DHRSX: variants seen among roughly 807,000 people sequenced by gnomAD.
DHRSX encodes dehydrogenase/reductase X-linked, also known as polyprenol dehydrogenase.
In DHRSX, 31 loss-of-function variants were observed where a neutral mutation model predicts 34.0. The observed-to-expected ratio is 0.91, with a 90% confidence interval of 0.69 to 1.23. The LOEUF is 1.23. DHRSX is among the 50% of genes most tolerant of loss of function. DHRSX has a pLI of 0.00. For synonymous variants in DHRSX, 201 were observed against 183.8 expected, an observed-to-expected ratio of 1.09 and a Z score of -0.76; for missense variants, 414 against 428.1, an observed-to-expected ratio of 0.97 and a Z score of 0.29.
At chrX:2,346,713 A>G (rs1402462103) in intron 3 of DHRSX, among the ~76,000 whole-genome samples, 11 of 151,632 alleles carry the variant, frequency 7.3e-5, no homozygotes, top group Admixed American at 5.9e-4. Flanking sequence ...TGCAGGTTAC[A>G]TAGGTATCCA....
intron 1 of DHRSX, among the ~76,000 whole-genome samples, chrX:2,491,082 T>A (rs1796885040): frequency 6.7e-6 from 1 of 150,308 alleles, no homozygotes; most frequent in African/African-American, 2.4e-5. Flanking sequence ...TTTTTTTTTT[T>A]TTTTTGAGAC....
At chrX:2,447,326 G>A (rs1346647270) in intron 1 of DHRSX, among the ~76,000 whole-genome samples, 1 of 152,090 alleles carries the variant, frequency 6.6e-6, no homozygotes, top group Non-Finnish European at 1.5e-5. Flanking sequence ...TGTGGCTAAG[G>A]GACTGCTGCC....
chrX:2,249,513 C>CTTTTTTTTTTTTTTTTTTTTT (rs753035485), intron 5 of DHRSX, among the ~76,000 whole-genome samples: 1 of 70,166 alleles, frequency 1.4e-5, no homozygotes, highest in African/African-American at 4.8e-5. Flanking sequence ...CTTTTTGTGC[C>CTTTTTTTTTTTTTTTTTTTTT]TTTTTTTTTT....
intron 4 of DHRSX, among the ~76,000 whole-genome samples, chrX:2,282,909 G>C (rs190235535): frequency 2.7e-4 from 41 of 151,332 alleles, no homozygotes; most frequent in Admixed American, 9.2e-4. Context: ...GGGAGGTCGA[G>C]AGCAAAATAG....
At chrX:2,435,969 C>T (rs986185130) in intron 1 of DHRSX, among the ~76,000 whole-genome samples, 2 of 152,016 alleles carry the variant, frequency 1.3e-5, no homozygotes, top group African/African-American at 2.4e-5. Flanking sequence ...CCGAGGCAGG[C>T]GGATCACGAG....
intron 3 of DHRSX, among the ~76,000 whole-genome samples, chrX:2,304,065 G>GGATGGA (rs1569485819): frequency 1.7e-5 from 1 of 59,254 alleles, no homozygotes; most frequent in African/African-American, 5.9e-5. Context: ...GGATGGATGG[G>GGATGGA]TGGATGGATG....
intron 1 of DHRSX, among the ~76,000 whole-genome samples, chrX:2,460,694 C>T: frequency 6.6e-6 from 1 of 151,546 alleles, no homozygotes; most frequent in Non-Finnish European, 1.5e-5. Context: ...AGTGATCCTC[C>T]CACCTCAGCC....
chrX:2,491,429 C>A (rs1324380428), intron 1 of DHRSX, among the ~76,000 whole-genome samples: 2 of 152,158 alleles, frequency 1.3e-5, no homozygotes, highest in Non-Finnish European at 2.9e-5. Context: ...TTCCCAAGCA[C>A]CTGCCACGTG....
chrX:2,449,738 C>G (rs6642213), intron 1 of DHRSX, among the ~76,000 whole-genome samples: 9,617 of 152,198 alleles, frequency 0.063, 411 homozygotes, highest in Non-Finnish European at 0.085. Flanking sequence ...ACTGCAGCCT[C>G]CAACTCCCAC....
At position 2,220,946 on chromosome X, in the gene DHRSX, T is replaced by C. The variant is rs977491497; in HGVS notation, c.*95A>G. On this transcript the variant is annotated 3_prime_UTR_variant, in exon 7 of 7. Coordinates refer to ENST00000334651, the MANE Select transcript of DHRSX (RefSeq NM_145177.3). ...GGACAGAGCCCTGTGGGCAGGTGGG[T>C]GTGAGAAACTCAAACACCGCAGTCT... 2.6e-5 allele frequency: 32 copies of C among 1,212,406 alleles called. No individual in the cohort carries two copies. In the South Asian group the frequency reaches 2.9e-4, roughly 11 times the overall value. 75.1% of individuals were successfully genotyped at this position (1,212,406 alleles called of 1,614,324 possible).
intron 3 of DHRSX, among the ~76,000 whole-genome samples, chrX:2,356,063 T>C (rs1312899055): frequency 2.6e-5 from 3 of 113,960 alleles, no homozygotes; most frequent in Non-Finnish European, 5.7e-5. Context: ...CGAGACTCCG[T>C]CTCAAAAAAA....
intron 6 of DHRSX, among the ~76,000 whole-genome samples, chrX:2,232,476 C>G (rs1307146335): frequency 2.0e-5 from 3 of 152,236 alleles, no homozygotes; most frequent in Non-Finnish European, 4.4e-5. Context: ...GGTCCTCACG[C>G]TTAGCACTCA....
chrX:2,401,751 C>G (rs1456329614), intron 3 of DHRSX, among the ~76,000 whole-genome samples: 1 of 152,148 alleles, frequency 6.6e-6, no homozygotes, highest in Admixed American at 6.6e-5. Flanking sequence ...ACTATTTGTT[C>G]TAAGTAAGAC....
intron 1 of DHRSX, among the ~76,000 whole-genome samples, chrX:2,449,277 G>A (rs1221725530): frequency 6.6e-6 from 1 of 151,940 alleles, no homozygotes; most frequent in Admixed American, 6.6e-5. Flanking sequence ...ACAAAGCGGC[G>A]AGTGTTCCCA....
intron 1 of DHRSX, among the ~76,000 whole-genome samples, chrX:2,467,396 G>A (rs1569504167): frequency 2.0e-5 from 3 of 152,112 alleles, no homozygotes; most frequent in African/African-American, 7.2e-5. Flanking sequence ...TGATTAAGGT[G>A]CCCACAGCAT....
At chrX:2,254,751 A>T (rs1386666603) in intron 5 of DHRSX, among the ~76,000 whole-genome samples, 1 of 151,776 alleles carries the variant, frequency 6.6e-6, no homozygotes, top group Admixed American at 6.6e-5. Context: ...GATTCAAGTG[A>T]TTCTCCTGTC....
chrX:2,499,716 G>C (rs1035016267), intron 1 of DHRSX, among the ~76,000 whole-genome samples: 6 of 152,124 alleles, frequency 3.9e-5, no homozygotes, highest in Non-Finnish European at 5.9e-5. Context: ...AGACCAGCCT[G>C]GGCAACGTAG....
chrX:2,477,852 CAA>C (rs772395587), intron 1 of DHRSX, among the ~76,000 whole-genome samples: 60 of 125,672 alleles, frequency 4.8e-4, no homozygotes, highest in Middle Eastern at 4.0e-3. Context: ...GACTCCGTCT[CAA>C]AAAAAAAAAA....
At chrX:2,354,742 A>C (rs1402244566) in intron 3 of DHRSX, among the ~76,000 whole-genome samples, 1 of 152,138 alleles carries the variant, frequency 6.6e-6, no homozygotes, top group Non-Finnish European at 1.5e-5. Context: ...CTACAGGTGT[A>C]AGCCACTGCG....
Sources: gnomAD v4.1 joint callset for allele counts (sites outside exome capture counted in the v4.1 genomes callset) on GRCh38, gnomAD v4.1.1 for gene constraint, MANE v1.5 for transcripts, NCBI Gene and HGNC (gene_info 2026-07-23, HGNC 2026-07-21) for gene names.